The following COL24A1 variants were observed in gnomAD, a reference collection of about 807,000 sequenced individuals.
COL24A1 encodes collagen alpha-1(XXIV) chain.
A neutral mutation model predicts 253.9 loss-of-function variants in COL24A1; 224 were observed. That is an observed-to-expected ratio of 0.88 (90% CI 0.79 to 0.99). The LOEUF is 0.99. Among genes scored for constraint, COL24A1 ranks in the 50% least tolerant of loss-of-function variants. The probability of loss-of-function intolerance (pLI) is 0.00; values close to 1 mark genes in which losing one functional copy is unlikely to be tolerated. For synonymous variants in COL24A1, 685 were observed against 673.7 expected (o/e 1.02, Z -0.26); for missense variants, 2,131 against 2,068.5 (o/e 1.03, Z -0.59).
rs575182203 is a variant in COL24A1 at position 86,013,918 on chromosome 1, G to A, written c.2310+3233C>T. Among the ~76,000 whole-genome samples, 9 of 152,150 alleles carry A rather than the reference G, an allele frequency of 5.9e-5. No homozygotes were observed. In the South Asian group the frequency reaches 1.0e-3, roughly 18 times the overall value. ...AACTCAGAAATTATTTTATTAGTCCGCAGTCACTCTCTCACTTACTTTTCA... is the reference window on the plus strand; with the variant it reads ...AACTCAGAAATTATTTTATTAGTCCACAGTCACTCTCTCACTTACTTTTCA... On this transcript the variant is annotated intron_variant, in intron 19 of 59. Coordinates refer to ENST00000370571, the MANE Select transcript of COL24A1 (RefSeq NM_152890.7).
intron 2 of COL24A1, among the ~76,000 whole-genome samples, chr1:86,137,511 T>C (rs563830209): frequency 2.8e-4 from 42 of 152,276 alleles, no homozygotes; most frequent in African/African-American, 1.0e-3. Context: ...ATGCAGGTCA[T>C]CTAAGGCCAA....
At chr1:86,118,329 C>T (rs1706351813) in intron 3 of COL24A1, among the ~76,000 whole-genome samples, 1 of 152,118 alleles carries the variant, frequency 6.6e-6, no homozygotes, top group Admixed American at 6.5e-5. Context: ...TCCCAAAGTG[C>T]TGGGATTACA....
intron 5 of COL24A1, among the ~76,000 whole-genome samples, chr1:86,108,627 A>G (rs995426929): frequency 1.8e-4 from 9 of 50,466 alleles, no homozygotes; most frequent in African/African-American, 5.6e-4. Flanking sequence ...TACTAAAAAA[A>G]AAAAAAAAAA....
At chr1:85,805,094 G>A (rs751287851) in intron 47 of COL24A1, among the ~76,000 whole-genome samples, 12 of 152,082 alleles carry the variant, frequency 7.9e-5, no homozygotes, top group Non-Finnish European at 1.6e-4. Context: ...TCTTGCCTTG[G>A]TCTCCCAAAG....
Position 85,730,388 on chromosome 1 carries a change from C to G in COL24A1, c.*158G>C, listed in dbSNP as rs1302923267. 1.5e-6 allele frequency: 1 copy of G among 655,660 alleles called. No individual in the cohort carries two copies. Among genetic ancestry groups the G allele is most frequent in the Non-Finnish European group, 2.4e-6 (1 of 414,856 alleles). The allele number at this position is 655,660 out of a possible 1,614,324, so 40.6% of individuals were successfully genotyped here. Reference sequence around the variant, plus strand: ...TCATAGTCCTTTAAAAATGCCTTTTCTCCTTCTTAGGAGGAAGTCTGTTCT... The same window carrying G: ...TCATAGTCCTTTAAAAATGCCTTTTGTCCTTCTTAGGAGGAAGTCTGTTCT... On this transcript the variant is annotated 3_prime_UTR_variant, in exon 60 of 60. Coordinates refer to ENST00000370571, the MANE Select transcript of COL24A1 (RefSeq NM_152890.7).
chr1:85,932,525 G>A (rs950188325), intron 24 of COL24A1, among the ~76,000 whole-genome samples: 1 of 121,308 alleles, frequency 8.2e-6, no homozygotes, highest in Non-Finnish European at 1.7e-5. Flanking sequence ...GGAAGTCAGT[G>A]TGGCGATTCC....
At chr1:85,980,106 T>C (rs1427770896) in intron 20 of COL24A1, among the ~76,000 whole-genome samples, 1 of 152,194 alleles carries the variant, frequency 6.6e-6, no homozygotes, top group Non-Finnish European at 1.5e-5. Context: ...TTTCAATAGT[T>C]GCAGAAAAAG....
intron 3 of COL24A1, among the ~76,000 whole-genome samples, chr1:86,120,823 C>T (rs1215358172): frequency 6.6e-6 from 1 of 152,142 alleles, no homozygotes; most frequent in Admixed American, 6.6e-5. Flanking sequence ...AATCATGCTG[C>T]TATAAAGACA....
At chr1:85,949,955 A>T (rs1300472779) in intron 24 of COL24A1, among the ~76,000 whole-genome samples, 1 of 152,010 alleles carries the variant, frequency 6.6e-6, no homozygotes, top group East Asian at 1.9e-4. Context: ...TTCAGTATAT[A>T]TTGGTTCTCT....
chr1:86,039,458 C>T (rs763716713), intron 12 of COL24A1, among the ~76,000 whole-genome samples: 30 of 151,964 alleles, frequency 2.0e-4, no homozygotes, highest in Non-Finnish European at 4.1e-4. Context: ...ATAAGAGGAC[C>T]AAGATAACCA....
intron 24 of COL24A1, among the ~76,000 whole-genome samples, chr1:85,914,237 C>A (rs1165574544): frequency 2.6e-5 from 4 of 151,362 alleles, no homozygotes; most frequent in African/African-American, 9.7e-5. Context: ...CCTGCTATGG[C>A]CATGTGACCA....
At chr1:86,138,043 A>C (rs1196111370) in intron 2 of COL24A1, among the ~76,000 whole-genome samples, 1 of 152,128 alleles carries the variant, frequency 6.6e-6, no homozygotes, top group Non-Finnish European at 1.5e-5. Flanking sequence ...CTCCAGCCAA[A>C]CTAGTATTTT....
At chr1:85,974,047 A>G (rs1203830385) in intron 20 of COL24A1, among the ~76,000 whole-genome samples, 2 of 152,180 alleles carry the variant, frequency 1.3e-5, no homozygotes, top group African/African-American at 4.8e-5. Flanking sequence ...AAAAACCATC[A>G]TTTTTTGTGT....
chr1:86,093,570 A>G (rs1377411486), intron 5 of COL24A1, among the ~76,000 whole-genome samples: 1 of 152,152 alleles, frequency 6.6e-6, no homozygotes, highest in Non-Finnish European at 1.5e-5. Flanking sequence ...GATTTAGTAC[A>G]TAGGCACAGG....
At chr1:86,049,143 G>GT (rs1700129237) in intron 11 of COL24A1, among the ~76,000 whole-genome samples, 1 of 152,240 alleles carries the variant, frequency 6.6e-6, no homozygotes, top group African/African-American at 2.4e-5. Flanking sequence ...TGCTTAAGAT[G>GT]TTTTTTGCTA....
chr1:85,951,465 C>G (rs1689924763), intron 24 of COL24A1, among the ~76,000 whole-genome samples: 1 of 152,056 alleles, frequency 6.6e-6, no homozygotes, highest in Non-Finnish European at 1.5e-5. Context: ...GTGACAGAAA[C>G]AGCCTGAAAC....
chr1:85,920,760 A>G (rs956341309), intron 24 of COL24A1, among the ~76,000 whole-genome samples: 2 of 152,144 alleles, frequency 1.3e-5, no homozygotes, highest in Non-Finnish European at 2.9e-5. Flanking sequence ...AAAGTGACGA[A>G]GTAAGCCAAC....
rs142770012 is a variant in COL24A1 at position 85,755,512 on chromosome 1, T to A, written c.4437+5884A>T. Among the ~76,000 whole-genome samples the A allele has an allele frequency of 1.2e-3, 160 of 129,856 alleles. 5 individuals carry two copies. The East Asian group carries it at 0.029, about 23-fold the overall frequency. The allele number at this position is 129,856 out of a possible 152,430, so 85.2% of individuals were successfully genotyped here. The stretch of plus-strand genomic sequence containing the variant: ...AAGCTGCTGTAATCAAAACAGTTGG[T>A]ACTGTCATAAAGACAGACATAAAGA... On this transcript the variant is annotated intron_variant, in intron 55 of 59. Transcript: ENST00000370571.
At chr1:86,135,107 C>T (rs570742436) in intron 2 of COL24A1, among the ~76,000 whole-genome samples, 4 of 151,972 alleles carry the variant, frequency 2.6e-5, no homozygotes, top group South Asian at 4.2e-4. Flanking sequence ...TACGTAATGG[C>T]CTTCTTTGTC....
Sources: gnomAD v4.1 joint callset for allele counts (sites outside exome capture counted in the v4.1 genomes callset) on GRCh38, gnomAD v4.1.1 for gene constraint, MANE v1.5 for transcripts, NCBI Gene and HGNC (gene_info 2026-07-23, HGNC 2026-07-21) for gene names.